Variants in RCSD1 observed in about 807,000 individuals in gnomAD.
RCSD1 encodes capZ-interacting protein.
In RCSD1, 26 loss-of-function variants were observed where a neutral mutation model predicts 42.5. The observed-to-expected ratio is 0.61, with a 90% CI of 0.45 to 0.85. The LOEUF (loss-of-function observed/expected upper bound fraction) is 0.85, where lower values mean the gene tolerates loss of function less well. RCSD1 is among the 40% of genes least tolerant of loss of function. The pLI is 0.00. For missense variants in RCSD1, 571 were observed against 528.3 expected, an observed-to-expected ratio of 1.08 and a Z score of -0.79; for synonymous variants, 220 against 212.2, an observed-to-expected ratio of 1.04 and a Z score of -0.32.
Position 167,630,318 on chromosome 1 carries a change from C to G in RCSD1, c.-106C>G. 8.1e-7 allele frequency: 1 copy of G among 1,238,044 alleles called. No individual in the cohort carries two copies. The highest frequency in any genetic ancestry group is 3.1e-5 in the South Asian group (1 of 32,444). 76.7% of individuals were successfully genotyped at this position (1,238,044 alleles called of 1,614,324 possible). On this transcript the variant is annotated 5_prime_UTR_variant, in exon 1 of 7. Transcript: ENST00000367854. ...CACCGCCCACTCGCCCTGTGCCCGC[C>G]GCAGCCCGAAACTGGCCACGGCCGG...
At chr1:167,703,743 G>C (rs1443401270) in intron 6 of RCSD1, among the ~76,000 whole-genome samples, 1 of 152,094 alleles carries the variant, frequency 6.6e-6, no homozygotes, top group African/African-American at 2.4e-5. Flanking sequence ...TAGTGGGGCC[G>C]GGGCTCCAGC....
chr1:167,670,027 C>A (rs928272554), intron 1 of RCSD1, among the ~76,000 whole-genome samples: 5 of 152,102 alleles, frequency 3.3e-5, no homozygotes, highest in Non-Finnish European at 7.4e-5. Flanking sequence ...TTGACTCCTG[C>A]CTGGGAGGCA....
At chr1:167,688,942 C>T (rs543007797) in intron 3 of RCSD1, among the ~76,000 whole-genome samples, 41 of 152,300 alleles carry the variant, frequency 2.7e-4, no homozygotes, top group African/African-American at 9.1e-4. Flanking sequence ...ACCATTCTCA[C>T]ATGTTTGTGG....
At chr1:167,633,826 AG>A (rs1393018820) in intron 1 of RCSD1, 1 of 152,206 alleles carries the variant, frequency 6.6e-6, no homozygotes, top group Non-Finnish European at 1.5e-5. Flanking sequence ...CATCTTTTCC[AG>A]TACAGGTATA....
At chr1:167,700,255 G>C (rs1005537531) in intron 6 of RCSD1, among the ~76,000 whole-genome samples, 3 of 152,150 alleles carry the variant, frequency 2.0e-5, no homozygotes, top group African/African-American at 7.2e-5. Flanking sequence ...ACTCACGCTA[G>C]ATCAGGGAGA....
chr1:167,650,049 C>A (rs1571677469), intron 1 of RCSD1, among the ~76,000 whole-genome samples: 1 of 152,296 alleles, frequency 6.6e-6, no homozygotes, highest in South Asian at 2.1e-4. Flanking sequence ...CAAATCCCAT[C>A]ACTAAATTGC....
intron 1 of RCSD1, among the ~76,000 whole-genome samples, chr1:167,675,796 C>T (rs567611771): frequency 1.3e-5 from 2 of 152,248 alleles, no homozygotes; most frequent in African/African-American, 4.8e-5. Context: ...AATAAAATAG[C>T]CCACCAAAAT....
chr1:167,635,019 C>T (rs1472252226), intron 1 of RCSD1, among the ~76,000 whole-genome samples: 1 of 151,832 alleles, frequency 6.6e-6, no homozygotes, highest in African/African-American at 2.4e-5. Flanking sequence ...ACTTTTTCAT[C>T]CATATCTTTT....
rs1659725381 is a variant in RCSD1, at chr1:167,705,026, G to T, written c.*330G>T. 4.2e-6 allele frequency: 1 copy of T among 239,472 alleles called. No homozygotes were observed. The highest frequency in any genetic ancestry group is 7.0e-5 in the South Asian group (1 of 14,360). The allele number at this position is 239,472 out of a possible 1,614,324, so 14.8% of individuals were successfully genotyped here. A position where few individuals can be genotyped will look rare whatever the true frequency, so the allele number is the denominator to read the frequency against. ...CTGGTCAGCCTGTGGAGCCCTGGAT[G>T]CTATCCACACCCACCTATCCCTGCA... On this transcript the variant is annotated 3_prime_UTR_variant, in exon 7 of 7. Coordinates refer to ENST00000367854, the MANE Select transcript of RCSD1 (RefSeq NM_052862.4).
intron 1 of RCSD1, among the ~76,000 whole-genome samples, chr1:167,650,971 C>T (rs748019809): frequency 2.0e-5 from 3 of 152,166 alleles, no homozygotes; most frequent in Non-Finnish European, 2.9e-5. Context: ...AAATGTGAGA[C>T]GGAGGTGTCA....
At chr1:167,667,563 C>CAGAT (rs763129348) in intron 1 of RCSD1, among the ~76,000 whole-genome samples, 33 of 152,158 alleles carry the variant, frequency 2.2e-4, no homozygotes, top group Non-Finnish European at 4.1e-4. Flanking sequence ...CTGGAGAAGA[C>CAGAT]AGATACCCAT....
chr1:167,658,625 T>C (rs1458776180), intron 1 of RCSD1, among the ~76,000 whole-genome samples: 1 of 151,940 alleles, frequency 6.6e-6, no homozygotes, highest in East Asian at 1.9e-4. Flanking sequence ...GAGACGGAGT[T>C]CCACCATATT....
intron 5 of RCSD1, among the ~76,000 whole-genome samples, chr1:167,696,688 A>G (rs1417277507): frequency 1.3e-5 from 2 of 152,098 alleles, no homozygotes; most frequent in Non-Finnish European, 2.9e-5. Context: ...CCTGAGCTCA[A>G]GCGATCCTCC....
chr1:167,677,125 T>C (rs960124532), intron 1 of RCSD1, among the ~76,000 whole-genome samples: 2 of 152,256 alleles, frequency 1.3e-5, no homozygotes, highest in African/African-American at 4.8e-5. Flanking sequence ...AATATATGCT[T>C]GTTTCAATTC....
chr1:167,639,338 A>G (rs1168077482), intron 1 of RCSD1, among the ~76,000 whole-genome samples: 1 of 152,192 alleles, frequency 6.6e-6, no homozygotes, highest in African/African-American at 2.4e-5. Context: ...TAATGACTTT[A>G]TTGATTTTGC....
intron 1 of RCSD1, among the ~76,000 whole-genome samples, chr1:167,680,497 G>T (rs1659055319): frequency 7.1e-6 from 1 of 141,350 alleles, no homozygotes; most frequent in Admixed American, 7.2e-5. Context: ...TTTTTTTCAG[G>T]CAGAGTCTCT....
At chr1:167,641,470 G>A (rs1265833600) in intron 1 of RCSD1, 1 of 152,202 alleles carries the variant, frequency 6.6e-6, no homozygotes, top group Non-Finnish European at 1.5e-5. Flanking sequence ...TGTAATCTCA[G>A]CACTTTGGGA....
chr1:167,698,690 C>T (rs61808920), intron 6 of RCSD1, among the ~76,000 whole-genome samples: 1 of 152,180 alleles, frequency 6.6e-6, no homozygotes, highest in Non-Finnish European at 1.5e-5. Context: ...TTGTTTCACC[C>T]GTCGCTTTTG....
chr1:167,648,986 T>C (rs141381904), intron 1 of RCSD1, among the ~76,000 whole-genome samples: 249 of 152,044 alleles, frequency 1.6e-3, no homozygotes, highest in African/African-American at 5.8e-3. Context: ...CTCAGGGAGG[T>C]TGCAGTCTGG....
Sources: gnomAD v4.1 joint callset for allele counts (sites outside exome capture counted in the v4.1 genomes callset) on GRCh38, gnomAD v4.1.1 for gene constraint, MANE v1.5 for transcripts, NCBI Gene and HGNC (gene_info 2026-07-23, HGNC 2026-07-21) for gene names.